TLE4: variants seen among roughly 807,000 people sequenced by gnomAD.
TLE4 encodes the protein TLE family member 4, transcriptional corepressor.
TLE4 carries 8 observed loss-of-function variants against 92.8 expected under a neutral mutation model. That is an observed-to-expected ratio of 0.09 (90% CI 0.05 to 0.16). The LOEUF (loss-of-function observed/expected upper bound fraction) is 0.16. TLE4 is among the 10% of genes least tolerant of loss of function. The probability of loss-of-function intolerance (pLI) is 1.00; values close to 1 mark genes in which losing one functional copy is unlikely to be tolerated. For synonymous variants in TLE4, 371 were observed against 374.1 expected (o/e 0.99, Z 0.10); for missense variants, 675 against 997.6 (o/e 0.68, Z 4.36).
intron 6 of TLE4, among the ~76,000 whole-genome samples, chr9:79,652,378 G>A (rs904263915): frequency 2.6e-5 from 4 of 152,140 alleles, no homozygotes; most frequent in Non-Finnish European, 4.4e-5. Flanking sequence ...TAGTAGAGAC[G>A]GGATTTCACC....
At chr9:79,693,726 T>TG (rs2067579123) in intron 8 of TLE4, 1 of 491,168 alleles carries the variant, frequency 2.0e-6, no homozygotes, top group Non-Finnish European at 4.0e-6. Flanking sequence ...GAATTGTCCT[T>TG]GCATTAAAAA....
intron 6 of TLE4, among the ~76,000 whole-genome samples, chr9:79,638,443 T>C (rs577955617): frequency 1.3e-5 from 2 of 152,332 alleles, no homozygotes; most frequent in African/African-American, 4.8e-5. Flanking sequence ...TAGAGCTAAC[T>C]GTGCCTTTGA....
At chr9:79,692,652 T>C (rs2067321263) in intron 8 of TLE4, among the ~76,000 whole-genome samples, 1 of 152,182 alleles carries the variant, frequency 6.6e-6, no homozygotes, top group South Asian at 2.1e-4. Flanking sequence ...CTGGGAAGTC[T>C]AAAAACAAGG....
intron 8 of TLE4, among the ~76,000 whole-genome samples, chr9:79,681,308 C>T (rs2064521295): frequency 6.6e-6 from 1 of 150,900 alleles, no homozygotes; most frequent in African/African-American, 2.4e-5. Context: ...AAGGAAGTCA[C>T]TATCAGCCAA....
chr9:79,658,000 T>C (rs935330239), intron 8 of TLE4, among the ~76,000 whole-genome samples: 2 of 152,208 alleles, frequency 1.3e-5, no homozygotes, highest in African/African-American at 4.8e-5. Context: ...CTGTAAAATA[T>C]AGCACGAGTA....
At chr9:79,722,698 C>A in intron 18 of TLE4, 97 bp downstream of exon 18, 1 of 1,426,288 alleles carries the variant, frequency 7.0e-7, no homozygotes, top group Non-Finnish European at 9.6e-7. Context: ...AGTTCATTAC[C>A]ATGCCCCTCT....
chr9:79,689,079 A>G (rs1002703052), intron 8 of TLE4, among the ~76,000 whole-genome samples: 7 of 149,074 alleles, frequency 4.7e-5, no homozygotes, highest in Non-Finnish European at 5.9e-5. Flanking sequence ...CCATTTTCCT[A>G]TATGTTTCCA....
chr9:79,677,460 C>T (rs1398382374), intron 8 of TLE4, among the ~76,000 whole-genome samples: 1 of 152,036 alleles, frequency 6.6e-6, no homozygotes, highest in Non-Finnish European at 1.5e-5. Flanking sequence ...CTAAGATTTC[C>T]TTCTCTTTTT....
rs1233875642 is a variant in TLE4 at position 79,624,386 on chromosome 9, G to A, written c.316-2988G>A. On this transcript the variant is annotated intron_variant, in intron 5 of 19. Transcript: ENST00000376552. The stretch of plus-strand genomic sequence containing the variant: ...TGAGCTAATATATTAGGGTGTTTCT[G>A]GTGCTTTCAGAGCACACAGGGGAGG... Among the ~76,000 whole-genome samples the A allele has an allele frequency of 3.3e-5, 5 of 152,064 alleles. No individual in the cohort carries two copies. The East Asian group carries it at 9.6e-4, about 29-fold the overall frequency.
At chr9:79,708,462 C>A in intron 12 of TLE4, 131 bp from the exon 13 acceptor site, 2 of 1,124,524 alleles carry the variant, frequency 1.8e-6, no homozygotes, top group Non-Finnish European at 2.5e-6. Flanking sequence ...ATTCTGAAGG[C>A]TTGAATGACT....
At chr9:79,678,020 T>G (rs531821694) in intron 8 of TLE4, among the ~76,000 whole-genome samples, 6 of 152,294 alleles carry the variant, frequency 3.9e-5, no homozygotes, top group African/African-American at 1.4e-4. Context: ...AAGCAACTAG[T>G]GAGTGATGTC....
intron 4 of TLE4, among the ~76,000 whole-genome samples, chr9:79,577,186 T>C (rs1320494270): frequency 1.3e-5 from 2 of 152,136 alleles, no homozygotes; most frequent in Non-Finnish European, 2.9e-5. Context: ...ACTTTCTAAG[T>C]TGAGAAAATA....
At chr9:79,580,245 T>A (rs1468830252) in intron 4 of TLE4, 1 of 152,204 alleles carries the variant, frequency 6.6e-6, no homozygotes. Context: ...GAGAAAATGC[T>A]GTCCAGGGCA....
intron 14 of TLE4, chr9:79,718,023 C>G: frequency 2.2e-6 from 1 of 456,652 alleles, no homozygotes; most frequent in Non-Finnish European, 4.4e-6. Context: ...CACCTGAGGG[C>G]TTTCCCTGGA....
chr9:79,690,201 G>A (rs2066758638), intron 8 of TLE4, among the ~76,000 whole-genome samples: 1 of 152,102 alleles, frequency 6.6e-6, no homozygotes, highest in Non-Finnish European at 1.5e-5. Context: ...TAGCCTCAGT[G>A]CAGATTTGGG....
At chr9:79,687,551 G>A (rs1345383836) in intron 8 of TLE4, among the ~76,000 whole-genome samples, 1 of 152,100 alleles carries the variant, frequency 6.6e-6, no homozygotes, top group African/African-American at 2.4e-5. Flanking sequence ...GTTTGATAGA[G>A]TTCTCAGCCT....
chr9:79,574,006 A>C, intron 2 of TLE4: 1 of 341,806 alleles, frequency 2.9e-6, no homozygotes, highest in African/African-American at 2.1e-5. Context: ...AGGCAGAACA[A>C]TCGAAACTGG....
At chr9:79,689,184 T>C (rs563955447) in intron 8 of TLE4, among the ~76,000 whole-genome samples, 1 of 152,124 alleles carries the variant, frequency 6.6e-6, no homozygotes, top group African/African-American at 2.4e-5. Flanking sequence ...TATGTGTGTG[T>C]GTGGGTATGT....
intron 19 of TLE4, 103 bp downstream of exon 19, chr9:79,723,138 T>C (rs1036033760): frequency 6.5e-6 from 7 of 1,079,316 alleles, no homozygotes; most frequent in Admixed American, 1.9e-5. Context: ...AGGTCAGAGC[T>C]AGTATTATGC....
Sources: allele counts gnomAD v4.1 joint callset (sites outside exome capture counted in the v4.1 genomes callset), GRCh38; gene constraint gnomAD v4.1.1; transcripts MANE v1.5; gene names NCBI Gene and HGNC (gene_info 2026-07-23, HGNC 2026-07-21).